Variants in FER1L6 observed in about 807,000 individuals in gnomAD.
FER1L6 encodes the protein fer-1 like family member 6.
A neutral mutation model predicts 219.2 loss-of-function variants in FER1L6; 177 were observed. The ratio of observed to expected loss-of-function variants is 0.81; its 90% CI spans 0.71 to 0.91. FER1L6 has a LOEUF of 0.91. Among genes scored for constraint, FER1L6 ranks in the 40% least tolerant of loss-of-function variants. FER1L6 has a pLI of 0.00. For missense variants in FER1L6, 2,153 were observed against 2,259.9 expected, an observed-to-expected ratio of 0.95 and a Z score of 0.96; for synonymous variants, 768 against 824.3, an observed-to-expected ratio of 0.93 and a Z score of 1.17.
rs1439206610 is a variant in FER1L6 at position 123,956,046 on chromosome 8, G to T, written c.48G>T (p.Gly16=). The part of the protein sequence containing the change: ...VKKKRNKAEK[G]LILANKAAKD... ...AGAAGAGAAATAAGGCAGAGAAGGG[G>T]TTAATCCTAGCCAACAAGGCTGCGA... Residue 16 remains glycine (G), a synonymous_variant, in exon 2 of 41, where the codon GGG becomes GGT. Transcript: ENST00000522917. 3.1e-6 allele frequency: 5 copies of T among 1,612,240 alleles called. No homozygotes were observed. Among genetic ancestry groups the T allele is most frequent in the Non-Finnish European group, 4.2e-6 (5 of 1,179,452 alleles).
chr8:123,915,200 TC>T (rs1024141166), intron 1 of FER1L6, among the ~76,000 whole-genome samples: 1 of 152,176 alleles, frequency 6.6e-6, no homozygotes, highest in African/African-American at 2.4e-5. Context: ...TTGAGGTCTT[TC>T]AATTCTTTTG....
chr8:124,108,929 C>T (rs10096401), intron 39 of FER1L6, among the ~76,000 whole-genome samples: 2,846 of 152,070 alleles, frequency 0.019, 96 homozygotes, highest in African/African-American at 0.065. Flanking sequence ...AAGAATAGAA[C>T]CTCTAGCAAC....
intron 16 of FER1L6, among the ~76,000 whole-genome samples, chr8:124,019,149 T>C (rs753625221): frequency 6.6e-5 from 10 of 152,228 alleles, no homozygotes; most frequent in Non-Finnish European, 1.5e-4. Context: ...TTTTGCATGA[T>C]ACATTGGGCT....
At chr8:123,962,079 T>C (rs886679773) in intron 2 of FER1L6, among the ~76,000 whole-genome samples, 1 of 151,914 alleles carries the variant, frequency 6.6e-6, no homozygotes, top group African/African-American at 2.4e-5. Context: ...TTAGTAGAGA[T>C]GGGGTTTCAC....
intron 1 of FER1L6, among the ~76,000 whole-genome samples, chr8:123,952,399 C>T (rs1279162871): frequency 6.6e-6 from 1 of 152,192 alleles, no homozygotes; most frequent in Non-Finnish European, 1.5e-5. Context: ...CTAACATGTG[C>T]CTCATTTAAT....
chr8:123,985,324 C>A (rs1816519648), intron 11 of FER1L6: 1 of 152,210 alleles, frequency 6.6e-6, no homozygotes, highest in African/African-American at 2.4e-5. Context: ...CCCTTCACAG[C>A]AGCAACCACA....
chr8:124,027,842 G>T (rs147842765), intron 18 of FER1L6, among the ~76,000 whole-genome samples: 4 of 152,224 alleles, frequency 2.6e-5, no homozygotes, highest in Non-Finnish European at 5.9e-5. Context: ...GATTACAGAC[G>T]AGAGCCATTG....
chr8:124,077,272 C>G (rs1821332509), intron 32 of FER1L6, among the ~76,000 whole-genome samples: 1 of 152,338 alleles, frequency 6.6e-6, no homozygotes, highest in Non-Finnish European at 1.5e-5. Flanking sequence ...ACAACTGACA[C>G]TCAGAACACA....
chr8:123,931,469 T>G (rs967523325), intron 1 of FER1L6, among the ~76,000 whole-genome samples: 1 of 152,190 alleles, frequency 6.6e-6, no homozygotes, highest in Non-Finnish European at 1.5e-5. Flanking sequence ...AAAAACAAAT[T>G]GTTTTGGTTT....
intron 1 of FER1L6, among the ~76,000 whole-genome samples, chr8:123,873,958 A>C (rs1816963938): frequency 6.6e-6 from 1 of 152,068 alleles, no homozygotes; most frequent in Non-Finnish European, 1.5e-5. Context: ...CCCTCATGCC[A>C]CTCATATTGT....
chr8:124,025,045 A>G (rs534978081), intron 18 of FER1L6, among the ~76,000 whole-genome samples: 5 of 149,912 alleles, frequency 3.3e-5, no homozygotes, highest in Admixed American at 2.0e-4. Context: ...GCAGTTTTTA[A>G]TGGAATTATT....
At chr8:124,106,718 C>G (rs1039637080) in intron 39 of FER1L6, among the ~76,000 whole-genome samples, 14 of 152,126 alleles carry the variant, frequency 9.2e-5, no homozygotes, top group Non-Finnish European at 1.6e-4. Context: ...CCTTCTACTT[C>G]CCTACATGTA....
intron 6 of FER1L6, 28 bp downstream of exon 6, chr8:123,970,125 G>A (rs369007833): frequency 2.8e-4 from 453 of 1,601,828 alleles, no homozygotes; most frequent in Non-Finnish European, 3.8e-4. Context: ...GGTAATAGTT[G>A]TGGAGAGGTG....
At chr8:123,915,508 C>T (rs1267977073) in intron 1 of FER1L6, among the ~76,000 whole-genome samples, 1 of 152,090 alleles carries the variant, frequency 6.6e-6, no homozygotes, top group Non-Finnish European at 1.5e-5. Context: ...TAGAATTGGG[C>T]TGATTGACTG....
intron 21 of FER1L6, among the ~76,000 whole-genome samples, chr8:124,049,196 C>T (rs939035945): frequency 1.3e-5 from 2 of 152,012 alleles, no homozygotes; most frequent in East Asian, 3.9e-4. Flanking sequence ...TACAGGTGTG[C>T]ACCACCATGC....
At chr8:124,013,891 A>G (rs1586591540) in intron 15 of FER1L6, among the ~76,000 whole-genome samples, 1 of 152,204 alleles carries the variant, frequency 6.6e-6, no homozygotes, top group East Asian at 1.9e-4. Context: ...CTATTAATAT[A>G]TAAAATACCA....
At chr8:124,035,839 G>A (rs758762566) in intron 19 of FER1L6, among the ~76,000 whole-genome samples, 2 of 152,212 alleles carry the variant, frequency 1.3e-5, no homozygotes, top group African/African-American at 2.4e-5. Flanking sequence ...TTCGAGTTTT[G>A]ACATATCAAC....
chr8:124,062,960 T>C (rs1563774791), intron 25 of FER1L6, among the ~76,000 whole-genome samples: 1 of 152,234 alleles, frequency 6.6e-6, no homozygotes, highest in Admixed American at 6.5e-5. Flanking sequence ...TATCCAACTT[T>C]CTAGATTTTT....
intron 1 of FER1L6, among the ~76,000 whole-genome samples, chr8:123,894,619 T>C (rs1812716761): frequency 1.3e-5 from 2 of 152,196 alleles, no homozygotes; most frequent in African/African-American, 2.4e-5. Flanking sequence ...GACACTCCAA[T>C]AGCAATAGCA....
Sources: gnomAD v4.1 joint callset for allele counts (sites outside exome capture counted in the v4.1 genomes callset) on GRCh38, gnomAD v4.1.1 for gene constraint, MANE v1.5 for transcripts, NCBI Gene and HGNC (gene_info 2026-07-23, HGNC 2026-07-21) for gene names.